Variants in MGAT4C observed in about 807,000 individuals in gnomAD.
MGAT4C encodes MGAT4 family member C, also known as alpha-1,3-mannosyl-glycoprotein 4-beta-N-acetylglucosaminyltransferase C.
Under a neutral mutation model 40.1 loss-of-function variants are expected in MGAT4C, and 19 were observed. The observed-to-expected ratio is 0.47, with a 90% CI of 0.33 to 0.70. The LOEUF (loss-of-function observed/expected upper bound fraction) is 0.70. Among genes scored for constraint, MGAT4C ranks in the 30% least tolerant of loss-of-function variants. The pLI is 0.02. For synonymous variants in MGAT4C, 181 were observed against 187.1 expected (o/e 0.97, Z 0.27); for missense variants, 491 against 563.2 (o/e 0.87, Z 1.30).
At chr12:86,050,559 G>A (rs1892803744) in intron 1 of MGAT4C, among the ~76,000 whole-genome samples, 1 of 151,966 alleles carries the variant, frequency 6.6e-6, no homozygotes, top group Non-Finnish European at 1.5e-5. Flanking sequence ...GTTTTTCAAA[G>A]TTTGGTGTTA....
chr12:86,123,269 G>A (rs1018088940), intron 1 of MGAT4C, among the ~76,000 whole-genome samples: 1 of 152,118 alleles, frequency 6.6e-6, no homozygotes, highest in African/African-American at 2.4e-5. Context: ...GCAGTGTCCT[G>A]AGAGATTTGA....
intron 1 of MGAT4C, among the ~76,000 whole-genome samples, chr12:86,150,234 C>T (rs1884106617): frequency 6.6e-6 from 1 of 152,182 alleles, no homozygotes; most frequent in African/African-American, 2.4e-5. Context: ...AAAGCTCATT[C>T]ACCCTCCACT....
At chr12:86,783,472 A>G (rs1951879744) in intron 1 of MGAT4C, among the ~76,000 whole-genome samples, 1 of 149,956 alleles carries the variant, frequency 6.7e-6, no homozygotes, top group Admixed American at 6.6e-5. Flanking sequence ...CTTCCCTTCA[A>G]GAAAATGACC....
rs1461988088 is a variant in MGAT4C at position 85,972,353 on chromosome 12, T to G, written c.*6936A>C. The G allele has an allele frequency of 1.3e-5, 2 of 151,124 alleles. No individual in the cohort carries two copies. The highest frequency in any genetic ancestry group is 3.0e-5 in the Non-Finnish European group (2 of 67,306). The allele number at this position is 151,124 out of a possible 1,614,324, so 9.4% of individuals were successfully genotyped here. On this transcript the variant is annotated 3_prime_UTR_variant, in exon 5 of 5. Coordinates refer to ENST00000611864, the MANE Select transcript of MGAT4C (RefSeq NM_001351288.2). ...TTCTACACACAGCTAAGCTTATAGA[T>G]ATTTTCATTTAAAGAAAAACTATTT... is the stretch of plus-strand genomic sequence containing the variant.
intron 3 of MGAT4C, among the ~76,000 whole-genome samples, chr12:86,413,123 T>A (rs560856838): frequency 9.7e-4 from 147 of 152,192 alleles, no homozygotes; most frequent in Middle Eastern, 3.5e-3. Context: ...AAATTGTGTG[T>A]CTGATAAATA....
chr12:86,650,807 A>C (rs1298849463), intron 2 of MGAT4C, among the ~76,000 whole-genome samples: 1 of 151,910 alleles, frequency 6.6e-6, no homozygotes, highest in Non-Finnish European at 1.5e-5. Flanking sequence ...GATTTGCTAA[A>C]TACTTTCATA....
At chr12:86,185,927 AG>A (rs1351101716) in intron 1 of MGAT4C, among the ~76,000 whole-genome samples, 1 of 152,034 alleles carries the variant, frequency 6.6e-6, no homozygotes, top group Non-Finnish European at 1.5e-5. Flanking sequence ...TCCCCACCCC[AG>A]AAAAAAAAAT....
intron 2 of MGAT4C, among the ~76,000 whole-genome samples, chr12:86,613,841 G>C (rs556086840): frequency 6.6e-6 from 1 of 152,022 alleles, no homozygotes. Flanking sequence ...TCTAAGGGTT[G>C]AACAAAACAG....
At chr12:86,283,938 C>T (rs775102331) in intron 4 of MGAT4C, among the ~76,000 whole-genome samples, 28 of 152,102 alleles carry the variant, frequency 1.8e-4, no homozygotes, top group Middle Eastern at 3.2e-3. Flanking sequence ...ACAATTTGAT[C>T]CTCTGCTGCA....
intron 2 of MGAT4C, among the ~76,000 whole-genome samples, chr12:86,685,407 G>A (rs1206764211): frequency 6.6e-6 from 1 of 152,064 alleles, no homozygotes; most frequent in Non-Finnish European, 1.5e-5. Flanking sequence ...ATCTGTTTTG[G>A]TACCAGTGCC....
At chr12:86,642,556 T>C (rs1047130882) in intron 2 of MGAT4C, among the ~76,000 whole-genome samples, 1 of 151,620 alleles carries the variant, frequency 6.6e-6, no homozygotes, top group Non-Finnish European at 1.5e-5. Context: ...CTGAGAGGAG[T>C]TTGCAAATTA....
chr12:86,060,694 C>T (rs1361420505), intron 1 of MGAT4C, among the ~76,000 whole-genome samples: 2 of 152,064 alleles, frequency 1.3e-5, no homozygotes, highest in East Asian at 1.9e-4. Context: ...ACATTTATTG[C>T]TTAGATTCTG....
At chr12:86,791,933 G>T (rs539017159) in intron 1 of MGAT4C, among the ~76,000 whole-genome samples, 1 of 152,342 alleles carries the variant, frequency 6.6e-6, no homozygotes, top group African/African-American at 2.4e-5. Context: ...GGCATTGTGG[G>T]TCCTCAGCAG....
intron 1 of MGAT4C, among the ~76,000 whole-genome samples, chr12:86,749,516 G>T (rs1951202791): frequency 1.3e-5 from 2 of 151,366 alleles, no homozygotes; most frequent in South Asian, 4.2e-4. Flanking sequence ...TATAAATTAG[G>T]TAACAGAAAG....
Position 86,211,337 on chromosome 12 carries a change from C to T in MGAT4C, c.-57+44902G>A, listed in dbSNP as rs369624271. Among the ~76,000 whole-genome samples the T allele has an allele frequency of 2.2e-4, 29 of 132,160 alleles. 1 individual carries two copies. The highest frequency in any genetic ancestry group is 9.5e-4 in the East Asian group (4 of 4,200). 86.7% of individuals were successfully genotyped at this position (132,160 alleles called of 152,430 possible). On this transcript the variant is annotated intron_variant, in intron 1 of 4. Transcript: ENST00000611864. ...TAGCACTCTGGGAGGCCGAGATGGGCGGATCATGAGGTCAAGAGATCAAGA... is the reference window on the plus strand; with the variant it reads ...TAGCACTCTGGGAGGCCGAGATGGGTGGATCATGAGGTCAAGAGATCAAGA...
At chr12:86,135,389 T>C (rs1421905117) in intron 1 of MGAT4C, among the ~76,000 whole-genome samples, 1 of 152,070 alleles carries the variant, frequency 6.6e-6, no homozygotes, top group East Asian at 1.9e-4. Flanking sequence ...TTTTAAACGT[T>C]TTTCAGTTCA....
intron 1 of MGAT4C, among the ~76,000 whole-genome samples, chr12:86,732,470 T>C (rs1461195293): frequency 6.6e-6 from 1 of 152,156 alleles, no homozygotes; most frequent in Non-Finnish European, 1.5e-5. Flanking sequence ...TGAGCTTTTT[T>C]TCCTGCAAAT....
intron 1 of MGAT4C, among the ~76,000 whole-genome samples, chr12:86,207,107 T>C (rs994661961): frequency 2.1e-4 from 13 of 60,964 alleles, no homozygotes; most frequent in African/African-American, 5.6e-4. Flanking sequence ...GGACCCTTTT[T>C]TTTCTTTTTT....
chr12:86,314,194 T>C (rs1425021047), intron 4 of MGAT4C, among the ~76,000 whole-genome samples: 2 of 152,156 alleles, frequency 1.3e-5, no homozygotes, highest in Admixed American at 1.3e-4. Context: ...CACAATGTAA[T>C]GAAGTTTGTA....
Sources: allele counts gnomAD v4.1 joint callset (sites outside exome capture counted in the v4.1 genomes callset), GRCh38; gene constraint gnomAD v4.1.1; transcripts MANE v1.5; gene names NCBI Gene and HGNC (gene_info 2026-07-23, HGNC 2026-07-21).